The following ABCC4 variants were observed in gnomAD, a reference collection of about 807,000 sequenced individuals.
ABCC4 encodes the protein ATP binding cassette subfamily C member 4 (PEL blood group), also known as ATP-binding cassette sub-family C member 4.
ABCC4 carries 102 observed loss-of-function variants against 168.5 expected under a neutral mutation model. The observed-to-expected ratio is 0.61, with a 90% confidence interval of 0.52 to 0.71. ABCC4 has a LOEUF of 0.71. ABCC4 is among the 30% of genes least tolerant of loss of function. The pLI is 0.00. For missense variants in ABCC4, 1,402 were observed against 1,605.8 expected, an observed-to-expected ratio of 0.87 and a Z score of 2.17; for synonymous variants, 617 against 590.7, an observed-to-expected ratio of 1.04 and a Z score of -0.65.
In ABCC4 at chr13:95,034,750, G is replaced by A. The variant is rs560796150; in HGVS notation, c.3736-11C>T. On this transcript the variant is annotated splice_polypyrimidine_tract_variant and intron_variant, in intron 29 of 30. Transcript: ENST00000645237. ...TCCTGAATCTAAAACCTGTTAATCA[G>A]CAGAAAGAAACCCATTGAAACACAA... is the stretch of plus-strand genomic sequence containing the variant. 1.5e-5 allele frequency: 25 copies of A among 1,613,648 alleles called. No individual in the cohort carries two copies. The highest frequency in any genetic ancestry group is 4.0e-5 in the African/African-American group (3 of 74,958).
chr13:95,247,110 A>G lies in ABCC4; in HGVS notation c.186-15T>C, dbSNP rs2040126163. The G allele has an allele frequency of 6.2e-7, 1 of 1,605,792 alleles. No homozygotes were observed. Among genetic ancestry groups the G allele is most frequent in the African/African-American group, 1.3e-5 (1 of 74,308 alleles). On this transcript the variant is annotated splice_polypyrimidine_tract_variant and intron_variant, in intron 2 of 30. Transcript: ENST00000645237. ...TATCCCAGAACCTACAATGAGGAAA[A>G]AGCTTCGTAAATAAGAGTGAACCCT...
At chr13:95,126,740 T>TATAG (rs2035783432) in intron 19 of ABCC4, among the ~76,000 whole-genome samples, 1 of 129,108 alleles carries the variant, frequency 7.7e-6, no homozygotes, top group Non-Finnish European at 1.6e-5. Context: ...TATATATATA[T>TATAG]ATATATATAT....
chr13:95,082,347 G>A (rs187175455), intron 21 of ABCC4, among the ~76,000 whole-genome samples: 41 of 152,232 alleles, frequency 2.7e-4, no homozygotes, highest in African/African-American at 9.2e-4. Flanking sequence ...TCATCTCTGC[G>A]ATTACATGTG....
chr13:95,038,558 T>C (rs1421670743), intron 29 of ABCC4, among the ~76,000 whole-genome samples: 3 of 151,740 alleles, frequency 2.0e-5, no homozygotes, highest in African/African-American at 7.3e-5. Context: ...CTTAGACACG[T>C]AGAAATGGTG....
intron 19 of ABCC4, among the ~76,000 whole-genome samples, chr13:95,146,173 T>C (rs2139494527): frequency 6.8e-6 from 1 of 146,568 alleles, no homozygotes; most frequent in East Asian, 2.0e-4. Context: ...ATTGCGCCAC[T>C]GCACTCCAGC....
chr13:95,231,832 C>T (rs568164466), intron 4 of ABCC4, among the ~76,000 whole-genome samples: 9 of 152,276 alleles, frequency 5.9e-5, no homozygotes, highest in African/African-American at 1.9e-4. Flanking sequence ...TTCCCAAAGG[C>T]TATTTTCCAA....
Position 95,186,693 on chromosome 13 carries a change from T to A in ABCC4, c.1545+8A>T, listed in dbSNP as rs1483250399. On this transcript the variant is annotated splice_region_variant and intron_variant, in intron 11 of 30. Transcript: ENST00000645237. ...TCGAGTACATGAAATCCAAAAGTCA[T>A]CACTCACCTTTTTCAGAGCACAAGC... 5.6e-6 allele frequency: 9 copies of A among 1,610,154 alleles called. No individual in the cohort carries two copies. The highest frequency in any genetic ancestry group is 6.8e-6 in the Non-Finnish European group (8 of 1,177,504).
chr13:95,127,078 G>A (rs192127047), intron 19 of ABCC4, among the ~76,000 whole-genome samples: 70 of 151,578 alleles, frequency 4.6e-4, no homozygotes, highest in Non-Finnish European at 7.8e-4. Flanking sequence ...TCATCTTAGG[G>A]GGAATGTTCA....
chr13:95,170,978 G>A (rs931843985), intron 13 of ABCC4, among the ~76,000 whole-genome samples: 2 of 151,670 alleles, frequency 1.3e-5, no homozygotes, highest in East Asian at 1.9e-4. Context: ...AAGAAAGATC[G>A]AGGTCACGTA....
At chr13:95,079,578 T>C (rs1013302951) in intron 21 of ABCC4, among the ~76,000 whole-genome samples, 2 of 152,178 alleles carry the variant, frequency 1.3e-5, no homozygotes, top group Non-Finnish European at 2.9e-5. Flanking sequence ...CTCACGCCTG[T>C]AATCCCAGCA....
At position 95,242,234 on chromosome 13, in the gene ABCC4, A is replaced by ATTT. The variant is rs68070552; in HGVS notation, c.306+4738_306+4740dup. 3.3e-3 allele frequency among the ~76,000 whole-genome samples: 490 copies of ATTT among 150,292 alleles called. 3 individuals carry two copies. Among genetic ancestry groups the ATTT allele is most frequent in the African/African-American group, 0.011 (444 of 41,044 alleles). On this transcript the variant is annotated intron_variant, in intron 3 of 30. Coordinates refer to ENST00000645237, the MANE Select transcript of ABCC4 (RefSeq NM_005845.5). ...AACTAACATTTGTTCTAACTCCATA[A>ATTT]TTTTTTTTTTTGAGACAGAGTCTTG...
intron 25 of ABCC4, among the ~76,000 whole-genome samples, chr13:95,066,780 T>C (rs1177813928): frequency 6.6e-6 from 1 of 152,184 alleles, no homozygotes; most frequent in Non-Finnish European, 1.5e-5. Context: ...TCCCAATCAC[T>C]TGGATAGCCT....
chr13:95,042,313 C>A lies in ABCC4; in HGVS notation c.3735+1369G>T, dbSNP rs1320781391. 3.9e-5 allele frequency among the ~76,000 whole-genome samples: 6 copies of A among 152,326 alleles called. No homozygotes were observed. The East Asian group carries it at 1.2e-3, about 29-fold the overall frequency. On this transcript the variant is annotated intron_variant, in intron 29 of 30. Coordinates refer to ENST00000645237, the MANE Select transcript of ABCC4 (RefSeq NM_005845.5). The stretch of plus-strand genomic sequence containing the variant: ...ATCACAGTCCAGTTGCTTTACTTTG[C>A]TATTTACTCCAAATCTATCCATTGC...
chr13:95,276,836 T>C (rs2040984429), intron 1 of ABCC4, among the ~76,000 whole-genome samples: 1 of 152,064 alleles, frequency 6.6e-6, no homozygotes, highest in African/African-American at 2.4e-5. Context: ...CTGGCCAACA[T>C]GGTGAAACTC....
chr13:95,119,954 C>G (rs530472018), intron 19 of ABCC4, among the ~76,000 whole-genome samples: 4 of 152,186 alleles, frequency 2.6e-5, no homozygotes, highest in African/African-American at 9.7e-5. Flanking sequence ...TATGCCCACC[C>G]CAGCCTCAAG....
chr13:95,197,614 A>G (rs541559838), intron 8 of ABCC4, among the ~76,000 whole-genome samples: 180 of 152,360 alleles, frequency 1.2e-3, no homozygotes, highest in African/African-American at 4.2e-3. Flanking sequence ...CAATACAGCA[A>G]TGAGGTGCAT....
intron 30 of ABCC4, among the ~76,000 whole-genome samples, chr13:95,030,130 C>G (rs542115107): frequency 6.6e-6 from 1 of 152,280 alleles, no homozygotes; most frequent in South Asian, 2.1e-4. Flanking sequence ...AAGTGATTCT[C>G]CAGCCTCAGC....
intron 1 of ABCC4, among the ~76,000 whole-genome samples, chr13:95,291,504 C>G (rs1194759591): frequency 6.6e-6 from 1 of 152,170 alleles, no homozygotes; most frequent in East Asian, 1.9e-4. Flanking sequence ...GTGGATCTGC[C>G]ACAACCTAGA....
intron 21 of ABCC4, 41 bp downstream of exon 21, chr13:95,083,099 C>G: frequency 6.3e-7 from 1 of 1,580,696 alleles, no homozygotes; most frequent in Non-Finnish European, 8.6e-7. Flanking sequence ...TAAATGGAAA[C>G]TAGCTAGCAT....
Sources: gnomAD v4.1 joint callset for allele counts (sites outside exome capture counted in the v4.1 genomes callset) on GRCh38, gnomAD v4.1.1 for gene constraint, MANE v1.5 for transcripts, NCBI Gene and HGNC (gene_info 2026-07-23, HGNC 2026-07-21) for gene names.